Variants in PTPRT observed in about 807,000 individuals in gnomAD.
The protein encoded by PTPRT is protein tyrosine phosphatase receptor type T.
A neutral mutation model predicts 176.8 loss-of-function variants in PTPRT; 56 were observed. The observed-to-expected ratio is 0.32, with a 90% CI of 0.26 to 0.40. The LOEUF (loss-of-function observed/expected upper bound fraction) is 0.40. Among genes scored for constraint, PTPRT ranks in the 10% least tolerant of loss-of-function variants. PTPRT has a pLI of 1.00. For missense variants in PTPRT, 1,540 were observed against 1,908.2 expected (o/e 0.81, Z 3.60); for synonymous variants, 783 against 739.0 (o/e 1.06, Z -0.96).
intron 1 of PTPRT, among the ~76,000 whole-genome samples, chr20:43,021,603 T>C (rs1985683942): frequency 6.6e-6 from 1 of 152,020 alleles, no homozygotes; most frequent in Non-Finnish European, 1.5e-5. Flanking sequence ...CTGGGGTGTC[T>C]CAGGGGCCCT....
chr20:42,382,716 G>A (rs2058708738), intron 9 of PTPRT, among the ~76,000 whole-genome samples: 1 of 152,150 alleles, frequency 6.6e-6, no homozygotes, highest in Non-Finnish European at 1.5e-5. Flanking sequence ...GGGGGTGTAA[G>A]AGGAACCAGA....
At chr20:42,038,228 T>C in the PTPRT span, among the ~76,000 whole-genome samples, 1 of 152,184 alleles carries the variant, frequency 6.6e-6, no homozygotes, top group South Asian at 2.1e-4. Flanking sequence ...GACATTATTT[T>C]ATAAATAAGG....
intron 2 of PTPRT, among the ~76,000 whole-genome samples, chr20:42,842,309 G>C (rs1269762984): frequency 1.3e-5 from 2 of 152,224 alleles, no homozygotes; most frequent in Non-Finnish European, 2.9e-5. Context: ...TCAGCAGCCA[G>C]TGCTACAAGG....
At chr20:42,256,221 A>G (rs1034227527) in intron 13 of PTPRT, among the ~76,000 whole-genome samples, 1 of 152,202 alleles carries the variant, frequency 6.6e-6, no homozygotes, top group South Asian at 2.1e-4. Flanking sequence ...TAAGCACCAT[A>G]AACCTTCTTG....
At chr20:43,089,478 G>A (rs548567769) in intron 1 of PTPRT, among the ~76,000 whole-genome samples, 1 of 152,354 alleles carries the variant, frequency 6.6e-6, no homozygotes, top group Non-Finnish European at 1.5e-5. Context: ...ACCAGCTGAA[G>A]ACATGTGTTC....
Position 42,956,585 on chromosome 20 carries a change from C to CT in PTPRT, c.89-70654dup, listed in dbSNP as rs949349638. ...AACCAGGAGCCAATTAAATCTCTCT[C>CT]TTTTTTTTTTTAAATAAATTACCCA... On this transcript the variant is annotated intron_variant, in intron 1 of 30. Coordinates refer to ENST00000373187, the MANE Select transcript of PTPRT (RefSeq NM_007050.6). Among the ~76,000 whole-genome samples the CT allele has an allele frequency of 4.9e-3, 724 of 147,892 alleles. 3 individuals carry two copies. The highest frequency in any genetic ancestry group is 0.016 in the African/African-American group (655 of 40,436).
chr20:42,444,649 T>C (rs186448560), intron 9 of PTPRT, among the ~76,000 whole-genome samples: 34 of 152,298 alleles, frequency 2.2e-4, no homozygotes, highest in Admixed American at 1.8e-3. Flanking sequence ...CAAGGTTGTA[T>C]ATAGAAGGCC....
intron 1 of PTPRT, among the ~76,000 whole-genome samples, chr20:43,161,939 A>G (rs1171549568): frequency 6.6e-6 from 1 of 152,184 alleles, no homozygotes; most frequent in African/African-American, 2.4e-5. Context: ...AGAGCATAAC[A>G]GCGTTTTATG....
At chr20:42,854,058 G>A (rs534373097) in intron 2 of PTPRT, among the ~76,000 whole-genome samples, 1 of 152,216 alleles carries the variant, frequency 6.6e-6, no homozygotes, top group African/African-American at 2.4e-5. Flanking sequence ...AGTAGAACTG[G>A]GGAGACCTGC....
At chr20:42,816,872 G>T (rs566071275) in intron 2 of PTPRT, among the ~76,000 whole-genome samples, 27 of 152,136 alleles carry the variant, frequency 1.8e-4, no homozygotes, top group Non-Finnish European at 5.9e-5. Flanking sequence ...GGCAAGAATC[G>T]TTATGGAGAA....
intron 1 of PTPRT, among the ~76,000 whole-genome samples, chr20:43,068,484 A>G (rs1185583468): frequency 8.1e-5 from 12 of 147,676 alleles, no homozygotes; most frequent in Admixed American, 4.7e-4. Flanking sequence ...CAGCCTGGGC[A>G]ACAGAGAGAG....
At chr20:42,072,118 TTCTC>T (rs770465076), downstream of PTPRT, among the ~76,000 whole-genome samples, 96 of 152,268 alleles carry the variant, frequency 6.3e-4, 1 homozygote, top group Middle Eastern at 3.4e-3. Flanking sequence ...TGATTGGACT[TTCTC>T]TCTCTCATGC....
At chr20:43,117,911 T>A (rs1449961045) in intron 1 of PTPRT, among the ~76,000 whole-genome samples, 1 of 152,194 alleles carries the variant, frequency 6.6e-6, no homozygotes, top group African/African-American at 2.4e-5. Context: ...TTGTTCCTTT[T>A]GTAACTAGAT....
chr20:43,124,747 A>G (rs1483435873), intron 1 of PTPRT, among the ~76,000 whole-genome samples: 3 of 152,180 alleles, frequency 2.0e-5, no homozygotes, highest in Non-Finnish European at 4.4e-5. Context: ...TCACCCTCCT[A>G]GAGGATGAGA....
At chr20:42,590,175 A>G (rs2073544178) in intron 7 of PTPRT, among the ~76,000 whole-genome samples, 1 of 152,158 alleles carries the variant, frequency 6.6e-6, no homozygotes, top group Non-Finnish European at 1.5e-5. Flanking sequence ...TAACAGCCCC[A>G]GTTGAGGCCC....
At chr20:42,175,794 A>G (rs1469806036) in intron 16 of PTPRT, among the ~76,000 whole-genome samples, 1 of 152,144 alleles carries the variant, frequency 6.6e-6, no homozygotes, top group Non-Finnish European at 1.5e-5. Flanking sequence ...AAAAATTAAG[A>G]TGGATTGAAG....
intron 9 of PTPRT, among the ~76,000 whole-genome samples, chr20:42,366,402 C>T (rs2145583022): frequency 6.6e-6 from 1 of 152,350 alleles, no homozygotes; most frequent in South Asian, 2.1e-4. Flanking sequence ...TTTTCTCCCT[C>T]AGCTTCTGAG....
chr20:42,945,742 GAAC>G (rs1312919047), intron 1 of PTPRT, among the ~76,000 whole-genome samples: 1 of 152,076 alleles, frequency 6.6e-6, no homozygotes, highest in East Asian at 1.9e-4. Flanking sequence ...CCATAACATA[GAAC>G]AACTATTTTA....
At chr20:42,538,598 C>T (rs147690328) in intron 7 of PTPRT, among the ~76,000 whole-genome samples, 218 of 152,208 alleles carry the variant, frequency 1.4e-3, no homozygotes, top group African/African-American at 4.9e-3. Context: ...AGTCACATGG[C>T]GATTAATCTA....
Sources: allele counts gnomAD v4.1 joint callset (sites outside exome capture counted in the v4.1 genomes callset), GRCh38; gene constraint gnomAD v4.1.1; transcripts MANE v1.5; gene names NCBI Gene and HGNC (gene_info 2026-07-23, HGNC 2026-07-21).